MAGI2: variants seen among roughly 807,000 people sequenced by gnomAD.
MAGI2 encodes the protein membrane associated guanylate kinase, WW and PDZ domain containing 2.
In MAGI2, 35 loss-of-function variants were observed where a neutral mutation model predicts 133.3. The observed-to-expected ratio is 0.26, with a 90% confidence interval of 0.20 to 0.35. MAGI2 has a LOEUF of 0.35. Among genes scored for constraint, MAGI2 ranks in the 10% least tolerant of loss-of-function variants. MAGI2 has a pLI of 1.00. For synonymous variants in MAGI2, 729 were observed against 710.6 expected, an observed-to-expected ratio of 1.03 and a Z score of -0.41; for missense variants, 1,636 against 1,863.4, an observed-to-expected ratio of 0.88 and a Z score of 2.25.
intron 2 of MAGI2, among the ~76,000 whole-genome samples, chr7:78,670,701 A>G (rs1399449627): frequency 6.6e-6 from 1 of 152,228 alleles, no homozygotes; most frequent in Admixed American, 6.5e-5. Context: ...CCAAAACAGC[A>G]TGGTACCGGT....
intron 1 of MAGI2, among the ~76,000 whole-genome samples, chr7:79,152,112 A>T (rs1368950151): frequency 6.6e-6 from 1 of 152,228 alleles, no homozygotes; most frequent in Non-Finnish European, 1.5e-5. Context: ...AGCAGTAAAG[A>T]GAAAAGGAAT....
intron 2 of MAGI2, among the ~76,000 whole-genome samples, chr7:78,897,606 C>T (rs1412786175): frequency 6.6e-6 from 1 of 152,162 alleles, no homozygotes; most frequent in African/African-American, 2.4e-5. Flanking sequence ...ATTGCCTTGG[C>T]TATCTGGGCT....
At chr7:78,833,613 C>G (rs1010071438) in intron 2 of MAGI2, among the ~76,000 whole-genome samples, 8 of 152,154 alleles carry the variant, frequency 5.3e-5, no homozygotes, top group African/African-American at 1.9e-4. Context: ...TTGGGTGTGT[C>G]CCTGAACCAA....
intron 9 of MAGI2, among the ~76,000 whole-genome samples, chr7:78,266,453 T>C (rs1584629525): frequency 1.3e-5 from 2 of 152,252 alleles, no homozygotes; most frequent in Admixed American, 1.3e-4. Flanking sequence ...TCTGCCCACC[T>C]TGGCCTCCCA....
At chr7:78,875,183 A>T (rs1795324875) in intron 2 of MAGI2, among the ~76,000 whole-genome samples, 2 of 152,204 alleles carry the variant, frequency 1.3e-5, no homozygotes, top group African/African-American at 4.8e-5. Flanking sequence ...AAAAATAGGC[A>T]GGATAATAAA....
chr7:78,644,635 G>C (rs546261253), intron 2 of MAGI2, among the ~76,000 whole-genome samples: 1 of 152,200 alleles, frequency 6.6e-6, no homozygotes, highest in East Asian at 1.9e-4. Flanking sequence ...AAATTAGTGG[G>C]ATGTTGCTAA....
chr7:78,781,399 A>G (rs112328024), intron 2 of MAGI2, among the ~76,000 whole-genome samples: 33 of 147,746 alleles, frequency 2.2e-4, no homozygotes, highest in African/African-American at 7.2e-4. Context: ...AAAAAAAAAA[A>G]GAATATAGCA....
intron 1 of MAGI2, among the ~76,000 whole-genome samples, chr7:79,094,809 G>T (rs1422905690): frequency 1.3e-5 from 2 of 152,118 alleles, no homozygotes; most frequent in African/African-American, 4.8e-5. Context: ...TCTCAACAGT[G>T]GGCTTCAAAT....
intron 9 of MAGI2, among the ~76,000 whole-genome samples, chr7:78,294,100 A>G (rs555127570): frequency 6.6e-6 from 1 of 152,252 alleles, no homozygotes; most frequent in East Asian, 1.9e-4. Flanking sequence ...ATAATTCTTT[A>G]GGAAATACTT....
At chr7:78,506,194 A>T (rs1328164693) in intron 4 of MAGI2, among the ~76,000 whole-genome samples, 2 of 152,192 alleles carry the variant, frequency 1.3e-5, no homozygotes, top group African/African-American at 4.8e-5. Context: ...AAAGAAGCAG[A>T]TTAAAAAAAT....
intron 10 of MAGI2, among the ~76,000 whole-genome samples, chr7:78,212,436 C>CTCTG (rs557805844): frequency 2.5e-3 from 375 of 152,282 alleles, no homozygotes; most frequent in African/African-American, 8.8e-3. Context: ...CGTGAGGAGG[C>CTCTG]TCTGACTTGC....
intron 1 of MAGI2, among the ~76,000 whole-genome samples, chr7:79,442,482 G>GTT (rs1848558869): frequency 6.6e-6 from 1 of 151,776 alleles, no homozygotes; most frequent in Non-Finnish European, 1.5e-5. Flanking sequence ...GTGTGTGTGT[G>GTT]TGTGTTCCAT....
intron 3 of MAGI2, among the ~76,000 whole-genome samples, chr7:78,625,247 A>G (rs1403203093): frequency 6.6e-6 from 1 of 152,148 alleles, no homozygotes; most frequent in African/African-American, 2.4e-5. Context: ...ATAAGATTTA[A>G]ACTGACAAAT....
At chr7:78,884,096 A>G (rs534583893) in intron 2 of MAGI2, among the ~76,000 whole-genome samples, 3 of 152,348 alleles carry the variant, frequency 2.0e-5, no homozygotes, top group East Asian at 3.9e-4. Flanking sequence ...AAATATTTGC[A>G]AACTATGCAT....
rs1806603419 is a variant in MAGI2 at position 78,999,131 on chromosome 7, T to A, written c.418+7959A>T. Among the ~76,000 whole-genome samples the A allele has an allele frequency of 2.0e-5, 3 of 151,960 alleles. No homozygotes were observed. The East Asian group carries it at 5.8e-4, about 29-fold the overall frequency. The stretch of plus-strand genomic sequence containing the variant: ...ATGATCAATAGCCCACAAACCAATT[T>A]CCTATGGAAAGCCTCCCTCCTATGA... On this transcript the variant is annotated intron_variant, in intron 2 of 21. Transcript: ENST00000354212.
intron 1 of MAGI2, among the ~76,000 whole-genome samples, chr7:79,101,126 T>C (rs571500327): frequency 7.1e-4 from 108 of 152,244 alleles, no homozygotes; most frequent in African/African-American, 2.6e-3. Flanking sequence ...ACAAAAACAT[T>C]ATACTTATTT....
At chr7:78,267,197 T>C (rs1264080415) in intron 9 of MAGI2, among the ~76,000 whole-genome samples, 1 of 152,196 alleles carries the variant, frequency 6.6e-6, no homozygotes, top group Non-Finnish European at 1.5e-5. Flanking sequence ...TGTGAGAAAT[T>C]ACAGGGCCCC....
At position 78,654,725 on chromosome 7, in the gene MAGI2, A is replaced by G. The variant is rs915414795; in HGVS notation, c.419-27486T>C. ...TATGTATATATATATATATATATAT[A>G]TATATATATATATATATATATATAG... is the stretch of plus-strand genomic sequence containing the variant. On this transcript the variant is annotated intron_variant, in intron 2 of 21. Coordinates refer to ENST00000354212, the MANE Select transcript of MAGI2 (RefSeq NM_012301.4). 9.9e-3 allele frequency among the ~76,000 whole-genome samples: 1,221 copies of G among 122,772 alleles called. 43 individuals are homozygous for G. Among genetic ancestry groups the G allele is most frequent in the African/African-American group, 0.029 (1,053 of 36,066 alleles). The allele number at this position is 122,772 out of a possible 152,430, so 80.5% of individuals were successfully genotyped here. A position where few individuals can be genotyped will look rare whatever the true frequency, so the allele number is the denominator to read the frequency against.
chr7:78,019,957 A>G lies in MAGI2; in HGVS notation c.3726T>C (p.Ser1242=), dbSNP rs898267332. The G allele has an allele frequency of 1.2e-6, 2 of 1,605,968 alleles. No homozygotes were observed. Among genetic ancestry groups the G allele is most frequent in the East Asian group, 2.3e-5 (1 of 44,244 alleles). The change falls in exon 22 of 22, where the codon AGT becomes AGC. Residue 1242 remains serine (S), a synonymous_variant. Coordinates refer to ENST00000354212, the MANE Select transcript of MAGI2 (RefSeq NM_012301.4). ...GACCTGGGGCGGCGGCAGCGGGAGAACTCCAGGGGGCGGGTTCGTCTGTGG... is the reference window on the plus strand; with the variant it reads ...GACCTGGGGCGGCGGCAGCGGGAGAGCTCCAGGGGGCGGGTTCGTCTGTGG... The part of the protein sequence containing the change: ...VPEYDEPAPW[S]SPAAAAPGLP...
Sources: allele counts gnomAD v4.1 joint callset (sites outside exome capture counted in the v4.1 genomes callset), GRCh38; gene constraint gnomAD v4.1.1; transcripts MANE v1.5; gene names NCBI Gene and HGNC (gene_info 2026-07-23, HGNC 2026-07-21).